Variants in ERICH1 observed in about 807,000 individuals in gnomAD.
ERICH1 encodes the protein glutamate-rich protein 1.
ERICH1 carries 56 observed loss-of-function variants against 39.6 expected under a neutral mutation model. The ratio of observed to expected loss-of-function variants is 1.41; its 90% CI spans 1.14 to 1.77. The LOEUF is 1.77. ERICH1 is among the 40% of genes most tolerant of loss of function. The pLI is 0.00. For synonymous variants in ERICH1, 313 were observed against 223.6 expected, an observed-to-expected ratio of 1.40 and a Z score of -3.57; for missense variants, 826 against 575.4, an observed-to-expected ratio of 1.44 and a Z score of -4.45.
intron 3 of ERICH1, chr8:615,378 G>C: frequency 7.0e-6 from 4 of 569,268 alleles, no homozygotes; most frequent in Non-Finnish European, 1.2e-5. Flanking sequence ...GGGATAAAGA[G>C]ATAACTAAGA....
At chr8:640,715 A>T (rs1330873559) in intron 3 of ERICH1, 1 of 152,156 alleles carries the variant, frequency 6.6e-6, no homozygotes, top group Non-Finnish European at 1.5e-5. Flanking sequence ...AGGTTATAAG[A>T]TTCCTGAGTC....
At chr8:708,704 T>TG (rs55977227) in intron 2 of ERICH1, among the ~76,000 whole-genome samples, 3 of 111,348 alleles carry the variant, frequency 2.7e-5, no homozygotes, top group South Asian at 6.2e-4. Context: ...TTTTTTTTTT[T>TG]TTTTTTTGAG....
rs1563224710 is a variant in ERICH1, at chr8:673,433, T to A, written c.919A>T (p.Thr307Ser). The A allele has an allele frequency of 6.2e-7, 1 of 1,613,874 alleles. No individual in the cohort carries two copies. Among genetic ancestry groups the A allele is most frequent in the East Asian group, 2.2e-5 (1 of 44,874 alleles). ...GCACCCTCTTCCTCCCCAGCCCATG[T>A]CGGGTCTTCCTCGCTGGCGTCCGCA... ...DGADASEEDP[T>S]WAGEEEGADS... Residue 307 changes from threonine to serine, a missense_variant, in exon 4 of 6, where the codon ACA becomes TCA. Thr to Ser is a moderately conservative substitution (Grantham distance 58). Transcript: ENST00000262109.
At chr8:687,437 G>C (rs1451854482) in intron 3 of ERICH1, among the ~76,000 whole-genome samples, 1 of 152,260 alleles carries the variant, frequency 6.6e-6, no homozygotes, top group Non-Finnish European at 1.5e-5. Flanking sequence ...CACAAGCTTT[G>C]CAATAAGCCC....
intron 2 of ERICH1, among the ~76,000 whole-genome samples, chr8:704,668 C>A (rs1812862220): frequency 6.6e-6 from 1 of 151,980 alleles, no homozygotes; most frequent in Non-Finnish European, 1.5e-5. Flanking sequence ...AAAAAATGTG[C>A]ATCCATGGTG....
chr8:699,684 C>G (rs1357325651), intron 2 of ERICH1, among the ~76,000 whole-genome samples: 1 of 150,204 alleles, frequency 6.7e-6, no homozygotes, highest in Non-Finnish European at 1.5e-5. Context: ...CGCACACGTG[C>G]ACAGACTCAC....
chr8:644,331 A>G (rs1457775984), intron 3 of ERICH1, among the ~76,000 whole-genome samples: 1 of 152,228 alleles, frequency 6.6e-6, no homozygotes, highest in African/African-American at 2.4e-5. Flanking sequence ...TTGTAAGTTC[A>G]GTCTCTCACT....
chr8:728,289 C>A (rs541070789), intron 1 of ERICH1, among the ~76,000 whole-genome samples: 1 of 152,196 alleles, frequency 6.6e-6, no homozygotes, highest in Admixed American at 6.5e-5. Context: ...AGGAGCAAGT[C>A]CTGTATGGCT....
chr8:642,527 G>A (rs527654692), intron 3 of ERICH1, among the ~76,000 whole-genome samples: 1 of 151,828 alleles, frequency 6.6e-6, no homozygotes, highest in Non-Finnish European at 1.5e-5. Context: ...TGTATTTTTA[G>A]TAGAGACGGG....
At chr8:661,722 T>C (rs1353131797), downstream of ERICH1, among the ~76,000 whole-genome samples, 1 of 152,250 alleles carries the variant, frequency 6.6e-6, no homozygotes, top group Non-Finnish European at 1.5e-5. Context: ...GCATTTTCCT[T>C]TTTGGAATCA....
intron 1 of ERICH1, among the ~76,000 whole-genome samples, chr8:727,921 G>A (rs1187053676): frequency 1.3e-5 from 2 of 152,194 alleles, no homozygotes; most frequent in African/African-American, 2.4e-5. Flanking sequence ...ATCCAGGGGC[G>A]CATCCTCCCA....
chr8:712,304 T>A (rs1814914103), intron 2 of ERICH1, among the ~76,000 whole-genome samples: 1 of 152,214 alleles, frequency 6.6e-6, no homozygotes, highest in Admixed American at 6.5e-5. Context: ...CAATTTTTAG[T>A]CTTCTTTGAT....
intron 2 of ERICH1, among the ~76,000 whole-genome samples, chr8:701,133 CA>C (rs1812015393): frequency 6.6e-6 from 1 of 152,250 alleles, no homozygotes; most frequent in African/African-American, 2.4e-5. Flanking sequence ...CCAAGAAGAA[CA>C]GAGCAAGGGC....
intron 3 of ERICH1, among the ~76,000 whole-genome samples, chr8:617,982 C>A (rs1472967437): frequency 1.4e-5 from 2 of 144,758 alleles, no homozygotes; most frequent in Admixed American, 7.0e-5. Context: ...CTCAGTCTAT[C>A]CTCACTGCCC....
At position 713,433 on chromosome 8, in the gene ERICH1, A is replaced by G. The variant is rs552373043; in HGVS notation, c.169+2428T>C. Among the ~76,000 whole-genome samples, 3 of 152,324 alleles carry G rather than the reference A, an allele frequency of 2.0e-5. No individual in the cohort carries two copies. In the East Asian group the frequency reaches 5.8e-4, roughly 29 times the overall value. On this transcript the variant is annotated intron_variant, in intron 2 of 5. Transcript: ENST00000262109. ...ATTTGAAAACATTAAGCCATATGGG[A>G]AAAATGTAGAAAAGAACATGGAATA...
At chr8:726,498 A>C (rs993012908) in intron 1 of ERICH1, among the ~76,000 whole-genome samples, 8 of 151,746 alleles carry the variant, frequency 5.3e-5, no homozygotes, top group African/African-American at 1.9e-4. Context: ...ACATGCATGC[A>C]CATATACATA....
In ERICH1 at chr8:715,981, G is replaced by C. The variant is rs1383794190; in HGVS notation, c.49C>G (p.Leu17Val). ...TGGCCACTTGGAACAGGAGGAAAAA[G>C]TCTCTGCAGCACCTTCTCCACAAAC... is the stretch of plus-strand genomic sequence containing the variant. ...HVFVEKVLQRLFPPVPSGQGK... is the reference protein window; with the variant it reads ...HVFVEKVLQRVFPPVPSGQGK... Residue 17 changes from leucine (L) to valine (V), a missense_variant, in exon 2 of 6, where the codon CTT becomes GTT. Physicochemically the swap from Leu to Val is conservative, Grantham distance 32. Coordinates refer to ENST00000262109, the MANE Select transcript of ERICH1 (RefSeq NM_207332.3). 6.2e-7 allele frequency: 1 copy of C among 1,613,024 alleles called. No individual in the cohort carries two copies. The highest frequency in any genetic ancestry group is 1.7e-5 in the Admixed American group (1 of 59,720).
chr8:654,971 G>C (rs976765571), intron 3 of ERICH1, among the ~76,000 whole-genome samples: 7 of 152,320 alleles, frequency 4.6e-5, no homozygotes, highest in Admixed American at 3.9e-4. Context: ...CCAGCCCCCT[G>C]GGGAGTTGCG....
At chr8:617,960 G>A (rs922201910) in intron 3 of ERICH1, among the ~76,000 whole-genome samples, 1 of 144,104 alleles carries the variant, frequency 6.9e-6, no homozygotes, top group African/African-American at 2.6e-5. Context: ...ACTGCCCTCT[G>A]AGTGCTGGGT....
Sources: gnomAD v4.1 joint callset for allele counts (sites outside exome capture counted in the v4.1 genomes callset) on GRCh38, gnomAD v4.1.1 for gene constraint, MANE v1.5 for transcripts, NCBI Gene and HGNC (gene_info 2026-07-23, HGNC 2026-07-21) for gene names.